Variants in DLC1 observed in about 807,000 individuals in gnomAD.
The protein encoded by DLC1 is DLC1 Rho GTPase activating protein.
In DLC1, 54 loss-of-function variants were observed where a neutral mutation model predicts 140.3. The ratio of observed to expected loss-of-function variants is 0.38; its 90% confidence interval spans 0.31 to 0.48. DLC1 has a LOEUF of 0.48. DLC1 is among the 20% of genes least tolerant of loss of function. DLC1 has a pLI of 0.96. For missense variants in DLC1, 2,536 were observed against 1,907.0 expected (o/e 1.33, Z -6.14); for synonymous variants, 986 against 728.1 (o/e 1.35, Z -5.70).
At chr8:13,350,254 C>T (rs1313238434) in intron 4 of DLC1, among the ~76,000 whole-genome samples, 1 of 152,130 alleles carries the variant, frequency 6.6e-6, no homozygotes, top group Non-Finnish European at 1.5e-5. Context: ...TTATAACTCC[C>T]TTATCTCGAT....
At chr8:13,455,347 C>A (rs1159560889) in intron 2 of DLC1, among the ~76,000 whole-genome samples, 1 of 152,144 alleles carries the variant, frequency 6.6e-6, no homozygotes. Context: ...ACTTCCTCTC[C>A]TCAAAGCACT....
chr8:13,499,179 C>A lies in DLC1; in HGVS notation c.893G>T (p.Gly298Val), dbSNP rs1329217772. 2 of 1,614,126 alleles carry A rather than the reference C, an allele frequency of 1.2e-6. No individual in the cohort carries two copies. Among genetic ancestry groups the A allele is most frequent in the East Asian group, 2.2e-5 (1 of 44,882 alleles). The part of the protein sequence containing the change: ...MSAENGLEKS[G>V]FSQHQNKSPP... Reference sequence around the variant, plus strand: ...ACTTTTGTTTTGATGTTGTGAAAAACCACTCTTCTCCAGGCCATTTTCAGC... The same window carrying A: ...ACTTTTGTTTTGATGTTGTGAAAAAACACTCTTCTCCAGGCCATTTTCAGC... Residue 298 changes from glycine to valine, a missense_variant, in exon 2 of 18, where the codon GGT becomes GTT. Physicochemically the swap from Gly to Val is moderately radical, Grantham distance 109. Coordinates refer to ENST00000276297, the MANE Select transcript of DLC1 (RefSeq NM_182643.3).
chr8:13,567,771 A>G, intron 1 of DLC1: 1 of 1,551,974 alleles, frequency 6.4e-7, no homozygotes, highest in Non-Finnish European at 8.7e-7. Context: ...ACCCCAGAAT[A>G]ATCTGGAAAA....
rs1818923554 is a variant in DLC1 at position 13,100,192 on chromosome 8, C to A, written c.2145G>T (p.Glu715Asp). 1.2e-6 allele frequency: 2 copies of A among 1,614,048 alleles called. No individual in the cohort carries two copies. Among genetic ancestry groups the A allele is most frequent in the Non-Finnish European group, 1.7e-6 (2 of 1,180,048 alleles). The change falls in exon 9 of 18, where the codon GAG becomes GAT. Residue 715 changes from glutamate (E) to aspartate (D), a missense_variant. By Grantham distance (45) the Glu-to-Asp change is conservative. Coordinates refer to ENST00000276297, the MANE Select transcript of DLC1 (RefSeq NM_182643.3). ...TGCGGTTGCCATTGAGGGCGGAGATCTCCACGCAGTTGAGCTGCTTCAGCT... is the reference window on the plus strand; with the variant it reads ...TGCGGTTGCCATTGAGGGCGGAGATATCCACGCAGTTGAGCTGCTTCAGCT... ...EEKLKQLNCV[E>D]ISALNGNRIN...
At chr8:13,182,019 G>A (rs149180477) in intron 5 of DLC1, among the ~76,000 whole-genome samples, 6,792 of 152,126 alleles carry the variant, frequency 0.045, 525 homozygotes, top group African/African-American at 0.15. Flanking sequence ...ACTTTTTAAT[G>A]ATTTCCATTC....
At chr8:13,524,708 TG>T (rs2117292722) in intron 1 of DLC1, among the ~76,000 whole-genome samples, 1 of 135,204 alleles carries the variant, frequency 7.4e-6, no homozygotes, top group African/African-American at 2.4e-5. Flanking sequence ...ATTTCTGTTG[TG>T]TTTTTTTTTT....
chr8:13,477,122 A>G (rs1187972794), intron 2 of DLC1, among the ~76,000 whole-genome samples: 2 of 152,170 alleles, frequency 1.3e-5, no homozygotes, highest in Non-Finnish European at 2.9e-5. Flanking sequence ...CAGTTACTGA[A>G]GCTATGCAGA....
intron 5 of DLC1, among the ~76,000 whole-genome samples, chr8:13,118,410 A>C (rs967000078): frequency 6.6e-6 from 1 of 152,098 alleles, no homozygotes; most frequent in Non-Finnish European, 1.5e-5. Flanking sequence ...TCTCTTCTTC[A>C]CCCTAAAAAA....
At chr8:13,335,835 T>G (rs1833790786) in intron 4 of DLC1, among the ~76,000 whole-genome samples, 1 of 152,084 alleles carries the variant, frequency 6.6e-6, no homozygotes, top group Admixed American at 6.6e-5. Context: ...AAAAGCAAAA[T>G]TAATCAACTA....
chr8:13,472,196 A>G (rs2117075352), intron 2 of DLC1, among the ~76,000 whole-genome samples: 1 of 152,316 alleles, frequency 6.6e-6, no homozygotes, highest in Non-Finnish European at 1.5e-5. Context: ...GGAATGGTTG[A>G]GAGACTGAGA....
At chr8:13,147,784 T>C (rs988349382) in intron 5 of DLC1, among the ~76,000 whole-genome samples, 12 of 152,000 alleles carry the variant, frequency 7.9e-5, no homozygotes, top group African/African-American at 2.7e-4. Flanking sequence ...GGTCAAGAGA[T>C]TGAGACCATC....
chr8:13,287,025 C>G (rs896553101), intron 5 of DLC1, among the ~76,000 whole-genome samples: 2 of 152,108 alleles, frequency 1.3e-5, no homozygotes, highest in Non-Finnish European at 2.9e-5. Context: ...GCAAATGCTT[C>G]TTTTGTACAG....
At chr8:13,186,425 T>C (rs1193586385) in intron 5 of DLC1, among the ~76,000 whole-genome samples, 1 of 152,192 alleles carries the variant, frequency 6.6e-6, no homozygotes, top group Non-Finnish European at 1.5e-5. Flanking sequence ...TACCCTTTCT[T>C]CCACTTGATC....
At chr8:13,362,923 A>G (rs1162656557) in intron 4 of DLC1, among the ~76,000 whole-genome samples, 1 of 152,066 alleles carries the variant, frequency 6.6e-6, no homozygotes, top group African/African-American at 2.4e-5. Context: ...TTTCCAGACC[A>G]TCCTACCAAT....
At chr8:13,516,832 T>A (rs1802603992), upstream of DLC1, among the ~76,000 whole-genome samples, 1 of 152,180 alleles carries the variant, frequency 6.6e-6, no homozygotes. Context: ...ATGTTTTATT[T>A]TACAAATAAA....
At chr8:13,228,873 A>C (rs762479378) in intron 5 of DLC1, among the ~76,000 whole-genome samples, 1 of 152,240 alleles carries the variant, frequency 6.6e-6, no homozygotes, top group Non-Finnish European at 1.5e-5. Flanking sequence ...AATGCAAATC[A>C]AAGCTGCAAA....
chr8:13,502,549 C>T (rs977686097), intron 1 of DLC1, among the ~76,000 whole-genome samples: 2 of 151,780 alleles, frequency 1.3e-5, no homozygotes, highest in African/African-American at 4.8e-5. Context: ...ATTTAAAGAC[C>T]AGATTATTAA....
At chr8:13,406,328 C>T (rs1461294535) in intron 2 of DLC1, among the ~76,000 whole-genome samples, 1 of 151,666 alleles carries the variant, frequency 6.6e-6, no homozygotes, top group Non-Finnish European at 1.5e-5. Context: ...TTGCCCAGTT[C>T]TTTAAACTTT....
intron 2 of DLC1, among the ~76,000 whole-genome samples, chr8:13,453,273 A>G (rs1799153156): frequency 6.8e-6 from 1 of 147,566 alleles, no homozygotes; most frequent in South Asian, 2.1e-4. Flanking sequence ...ATTTTATCAA[A>G]AAATTAATAA....
Sources: gnomAD v4.1 joint callset for allele counts (sites outside exome capture counted in the v4.1 genomes callset) on GRCh38, gnomAD v4.1.1 for gene constraint, MANE v1.5 for transcripts, NCBI Gene and HGNC (gene_info 2026-07-23, HGNC 2026-07-21) for gene names.